The following TBC1D16 variants were observed in gnomAD, a reference collection of about 807,000 sequenced individuals.
TBC1D16 encodes TBC1 domain family member 16, also known as CTD-2529O21.1.
TBC1D16 carries 58 observed loss-of-function variants against 74.7 expected under a neutral mutation model. The observed-to-expected ratio is 0.78, with a 90% CI of 0.63 to 0.97. The LOEUF (loss-of-function observed/expected upper bound fraction) is 0.97. Ranked by LOEUF, TBC1D16 falls within the 50% of genes least tolerant of loss-of-function variation. The probability of loss-of-function intolerance (pLI) is 0.00; values close to 1 mark genes in which losing one functional copy is unlikely to be tolerated. For missense variants in TBC1D16, 1,014 were observed against 1,079.5 expected (o/e 0.94, Z 0.85); for synonymous variants, 493 against 474.7 (o/e 1.04, Z -0.50).
chr17:79,993,271 G>A lies in TBC1D16; in HGVS notation c.779+16889C>T, dbSNP rs1269847735. 3.3e-5 allele frequency among the ~76,000 whole-genome samples: 5 copies of A among 152,200 alleles called. No individual in the cohort carries two copies. Among genetic ancestry groups the A allele is most frequent in the South Asian group, 2.1e-4 (1 of 4,822 alleles). ...TAAGGTCAGGGATATGCCCCAGGCC[G>A]CCTGCTTCCACCAGCCAGTCCCTTT... On this transcript the variant is annotated intron_variant, in intron 3 of 11. Transcript: ENST00000310924. This position sits in a 1 kb window ranked among gnomAD's most constrained non-coding sequence, Gnocchi z 5.1.
In TBC1D16 at chr17:79,950,691, G is replaced by A; in HGVS notation, c.1090-113C>T. 1 of 1,543,978 alleles carries A rather than the reference G, an allele frequency of 6.5e-7. No homozygotes were observed. The highest frequency in any genetic ancestry group is 8.8e-7 in the Non-Finnish European group (1 of 1,141,582). ...CTCTCTCTTCTGAAAGGAGGGCAAGGGCCGTCCCCTGCATACAAACCCCTA... is the reference window on the plus strand; with the variant it reads ...CTCTCTCTTCTGAAAGGAGGGCAAGAGCCGTCCCCTGCATACAAACCCCTA... On this transcript the variant is annotated intron_variant, in intron 5 of 11. Coordinates refer to ENST00000310924, the MANE Select transcript of TBC1D16 (RefSeq NM_019020.4). The surrounding 1 kb of genome is among the most constrained non-coding windows in gnomAD (Gnocchi z 4.6).
chr17:79,951,906 G>T, intron 4 of TBC1D16: 1 of 268,024 alleles, frequency 3.7e-6, no homozygotes, highest in African/African-American at 2.2e-5. Flanking sequence ...CGGGAGACCT[G>T]GGTCCCAACG....
At chr17:80,030,983 C>T (rs944928502) in intron 1 of TBC1D16, among the ~76,000 whole-genome samples, 2 of 152,340 alleles carry the variant, frequency 1.3e-5, no homozygotes, top group South Asian at 2.1e-4. Flanking sequence ...GCCAGACACA[C>T]GCAAACAAGG....
chr17:79,964,581 G>A (rs1271320657), intron 3 of TBC1D16, among the ~76,000 whole-genome samples: 3 of 152,040 alleles, frequency 2.0e-5, no homozygotes, highest in South Asian at 2.1e-4. Flanking sequence ...TTGTGATGAC[G>A]GCTCCATGAG....
At chr17:79,958,260 C>T (rs2033436559) in intron 3 of TBC1D16, among the ~76,000 whole-genome samples, 1 of 143,230 alleles carries the variant, frequency 7.0e-6, no homozygotes, top group South Asian at 2.2e-4. Context: ...GCTCTTGTTG[C>T]CCAGGCTGAA....
intron 9 of TBC1D16, among the ~76,000 whole-genome samples, chr17:79,945,832 C>T (rs1387157751): frequency 6.6e-6 from 1 of 152,252 alleles, no homozygotes; most frequent in African/African-American, 2.4e-5. Flanking sequence ...TGGGTTCAGC[C>T]CCCCGGCCCA....
Position 79,942,051 on chromosome 17 carries a change from C to A in TBC1D16, c.2055+9G>T. Reference sequence around the variant, plus strand: ...GGCGGGGTGGGGCCCACATCTGGGGCAGCCTCACCTTCCGGAGAACGAGCT... The same window carrying A: ...GGCGGGGTGGGGCCCACATCTGGGGAAGCCTCACCTTCCGGAGAACGAGCT... On this transcript the variant is annotated intron_variant, in intron 11 of 11. Transcript: ENST00000310924. 6.2e-7 allele frequency: 1 copy of A among 1,606,138 alleles called. No homozygotes were observed. Among genetic ancestry groups the A allele is most frequent in the East Asian group, 2.2e-5 (1 of 44,706 alleles).
chr17:79,963,707 G>C lies in TBC1D16; in HGVS notation c.780-10889C>G, dbSNP rs111695786. 2.6e-5 allele frequency among the ~76,000 whole-genome samples: 4 copies of C among 152,118 alleles called. No individual in the cohort carries two copies. The East Asian group carries it at 7.7e-4, about 29-fold the overall frequency. On this transcript the variant is annotated intron_variant, in intron 3 of 11. Coordinates refer to ENST00000310924, the MANE Select transcript of TBC1D16 (RefSeq NM_019020.4). ...CTTACATTCCCGCCAGCAATGCATA[G>C]GGATTTCAATCCCTCCACATCCTCA...
At chr17:80,002,533 G>A (rs1161631323) in intron 3 of TBC1D16, among the ~76,000 whole-genome samples, 1 of 152,218 alleles carries the variant, frequency 6.6e-6, no homozygotes, top group Non-Finnish European at 1.5e-5. Flanking sequence ...GGGCCACCCT[G>A]AGGGAGTAGA....
intron 1 of TBC1D16, chr17:80,024,050 C>T (rs893672532): frequency 1.4e-5 from 2 of 143,592 alleles, no homozygotes; most frequent in African/African-American, 2.6e-5. Flanking sequence ...CGGGCGGGGC[C>T]CAAATCCCTC....
intron 3 of TBC1D16, among the ~76,000 whole-genome samples, chr17:79,965,115 C>T (rs938449520): frequency 5.3e-5 from 8 of 151,486 alleles, no homozygotes; most frequent in Admixed American, 2.6e-4. Context: ...CTTGCTCTGT[C>T]GCCCAGGCTA....
intron 3 of TBC1D16, among the ~76,000 whole-genome samples, chr17:79,957,797 C>G (rs927241490): frequency 6.6e-6 from 1 of 151,472 alleles, no homozygotes; most frequent in Non-Finnish European, 1.5e-5. Flanking sequence ...TGAGAATTCT[C>G]TGTACCCTTC....
rs982870215 is a variant in TBC1D16 at position 79,980,670 on chromosome 17, T to C, written c.780-27852A>G. 5.3e-5 allele frequency among the ~76,000 whole-genome samples: 8 copies of C among 152,094 alleles called. No individual in the cohort carries two copies. The highest frequency in any genetic ancestry group is 4.4e-5 in the Non-Finnish European group (3 of 67,998). On this transcript the variant is annotated intron_variant, in intron 3 of 11. Transcript: ENST00000310924. The surrounding 1 kb of genome is among the most constrained non-coding windows in gnomAD (Gnocchi z 7.0). ...CTAGATTCTGAGCTGCTGGGCTTTG[T>C]GACATCCCACATGGCTTGGTCCCGC... is the stretch of plus-strand genomic sequence containing the variant.
At position 79,987,137 on chromosome 17, in the gene TBC1D16, A is replaced by G. The variant is rs1295658031; in HGVS notation, c.779+23023T>C. Among the ~76,000 whole-genome samples the G allele has an allele frequency of 6.6e-6, 1 of 151,910 alleles. No individual in the cohort carries two copies. The highest frequency in any genetic ancestry group is 6.6e-5 in the Admixed American group (1 of 15,252). Reference sequence around the variant, plus strand: ...CTGCCCACCAGGGGCAGGAGACTGGATGGTCTTTCCAGGCCCTCATCCCAA... The same window carrying G: ...CTGCCCACCAGGGGCAGGAGACTGGGTGGTCTTTCCAGGCCCTCATCCCAA... On this transcript the variant is annotated intron_variant, in intron 3 of 11. Transcript: ENST00000310924. This position sits in a 1 kb window ranked among gnomAD's most constrained non-coding sequence, Gnocchi z 5.2.
At chr17:79,968,842 C>CA (rs34365366) in intron 3 of TBC1D16, among the ~76,000 whole-genome samples, 4,956 of 55,430 alleles carry the variant, frequency 0.089, 447 homozygotes, top group Admixed American at 0.12. Context: ...GATGCCGTCT[C>CA]AAAAAAAAAA....
chr17:79,989,226 C>T (rs1401568166), intron 3 of TBC1D16, among the ~76,000 whole-genome samples: 1 of 152,216 alleles, frequency 6.6e-6, no homozygotes, highest in African/African-American at 2.4e-5. Flanking sequence ...TTGGCCAGCG[C>T]AGGAACTTTT....
At chr17:79,942,009 TGG>T (rs1356323039) in intron 11 of TBC1D16, 49 bp downstream of exon 11, 7 of 1,010,918 alleles carry the variant, frequency 6.9e-6, no homozygotes, top group Non-Finnish European at 8.6e-6. Context: ...GCTGGTGGGG[TGG>T]GGCTTTGGGG....
At position 79,941,066 on chromosome 17, in the gene TBC1D16, G is replaced by T. The variant is rs746141447; in HGVS notation, c.2097C>A (p.Ile699=). ...TACACAGATCGTGCAGGCTGCAGGGGATCCGGGGCAGGAGGCGGAACTGGT... is the reference window on the plus strand; with the variant it reads ...TACACAGATCGTGCAGGCTGCAGGGTATCCGGGGCAGGAGGCGGAACTGGT... ...LLYQFRLLPR[I]PCSLHDLCKL... The change falls in exon 12 of 12, where the codon ATC becomes ATA. Residue 699 remains isoleucine, a synonymous_variant. Coordinates refer to ENST00000310924, the MANE Select transcript of TBC1D16 (RefSeq NM_019020.4). The surrounding 1 kb of genome is among the most constrained non-coding windows in gnomAD (Gnocchi z 4.3). 4 of 1,595,100 alleles carry T rather than the reference G, an allele frequency of 2.5e-6. No homozygotes were observed. Among genetic ancestry groups the T allele is most frequent in the Non-Finnish European group, 3.4e-6 (4 of 1,170,752 alleles).
chr17:80,027,190 G>A (rs1012569229), intron 1 of TBC1D16, among the ~76,000 whole-genome samples: 2 of 152,210 alleles, frequency 1.3e-5, no homozygotes, highest in South Asian at 2.1e-4. Flanking sequence ...GGCTGGGCAC[G>A]GTAGCTCATG....
Sources: allele counts gnomAD v4.1 joint callset (sites outside exome capture counted in the v4.1 genomes callset), GRCh38; gene constraint gnomAD v4.1.1; non-coding constraint Gnocchi (gnomAD v3.1); transcripts MANE v1.5; gene names NCBI Gene and HGNC (gene_info 2026-07-23, HGNC 2026-07-21).